TMEM63C: variants seen among roughly 807,000 people sequenced by gnomAD.
The protein encoded by TMEM63C is osmosensitive cation channel TMEM63C.
In TMEM63C, 32 loss-of-function variants were observed where a neutral mutation model predicts 99.2. The observed-to-expected ratio is 0.32, with a 90% CI of 0.24 to 0.43. TMEM63C has a LOEUF of 0.43. TMEM63C is among the 20% of genes least tolerant of loss of function. The pLI is 1.00. For synonymous variants in TMEM63C, 376 were observed against 397.9 expected (o/e 0.94, Z 0.66); for missense variants, 826 against 1,053.0 (o/e 0.78, Z 2.98).
intron 17 of TMEM63C, 25 bp from the exon 18 acceptor site, chr14:77,246,584 A>C (rs1889272048): frequency 6.2e-7 from 1 of 1,607,492 alleles, no homozygotes; most frequent in African/African-American, 1.3e-5. Flanking sequence ...GCTAACTAAC[A>C]GACCTGCCTT....
In TMEM63C at chr14:77,244,477, G is replaced by A. The variant is rs374711239; in HGVS notation, c.1448+22G>A. On this transcript the variant is annotated intron_variant, in intron 16 of 23. Transcript: ENST00000298351. The stretch of plus-strand genomic sequence containing the variant: ...CCAGGTGACCTGGGGGCCTCCTCTC[G>A]TAGCCCTGTGGTTTCTCCAGCCTCT... The A allele has an allele frequency of 5.5e-5, 87 of 1,591,166 alleles. No individual in the cohort carries two copies. In the African/African-American group the frequency reaches 7.9e-4, roughly 14 times the overall value.
intron 5 of TMEM63C, among the ~76,000 whole-genome samples, 187 bp downstream of exon 5, chr14:77,220,274 G>A (rs1487753164): frequency 6.6e-6 from 1 of 152,202 alleles, no homozygotes; most frequent in African/African-American, 2.4e-5. Context: ...CTGAAAGATG[G>A]AGTTATTGAC....
intron 18 of TMEM63C, 71 bp downstream of exon 18, chr14:77,246,745 G>A: frequency 7.7e-7 from 1 of 1,306,434 alleles, no homozygotes; most frequent in Non-Finnish European, 1.1e-6. Flanking sequence ...GCTCTTCCCT[G>A]AGTCCAGCAC....
intron 1 of TMEM63C, among the ~76,000 whole-genome samples, chr14:77,210,744 G>A (rs1422157857): frequency 6.6e-6 from 1 of 152,156 alleles, no homozygotes; most frequent in African/African-American, 2.4e-5. Context: ...CAGCTTGTTT[G>A]TTTAAGTCCA....
intron 1 of TMEM63C, among the ~76,000 whole-genome samples, chr14:77,200,587 C>T (rs1888283121): frequency 6.6e-6 from 1 of 152,230 alleles, no homozygotes; most frequent in Admixed American, 6.5e-5. Flanking sequence ...CCTATTTAGA[C>T]AGATGGCGCC....
At chr14:77,200,757 G>A (rs1385476641) in intron 1 of TMEM63C, among the ~76,000 whole-genome samples, 3 of 152,158 alleles carry the variant, frequency 2.0e-5, no homozygotes, top group Admixed American at 6.5e-5. Context: ...GTCTCCTCCC[G>A]GAATGTTCTG....
chr14:77,192,019 T>A (rs1231495138), intron 1 of TMEM63C, among the ~76,000 whole-genome samples: 1 of 152,262 alleles, frequency 6.6e-6, no homozygotes, highest in Non-Finnish European at 1.5e-5. Flanking sequence ...ATAGTTGTTA[T>A]ATCTTCCTGG....
At chr14:77,208,685 T>C (rs904633418) in intron 1 of TMEM63C, among the ~76,000 whole-genome samples, 10 of 152,222 alleles carry the variant, frequency 6.6e-5, no homozygotes, top group Non-Finnish European at 1.5e-4. Flanking sequence ...CCGTGTCCCA[T>C]ATGCAACCTG....
At chr14:77,251,647 C>T (rs537503774) in intron 21 of TMEM63C, 142 bp from the exon 22 acceptor site, 3 of 655,100 alleles carry the variant, frequency 4.6e-6, no homozygotes, top group Middle Eastern at 3.0e-4. Context: ...TTGTCAGACT[C>T]CTAGATGCCA....
At chr14:77,186,911 CTCATGTGCCCAGGCGTG>C (rs1159123868) in intron 1 of TMEM63C, among the ~76,000 whole-genome samples, 1 of 152,038 alleles carries the variant, frequency 6.6e-6, no homozygotes, top group African/African-American at 2.4e-5. Context: ...TGGCTGGCGC[CTCATGTGCCCAGGCGTG>C]TCAACTAGGC....
intron 1 of TMEM63C, among the ~76,000 whole-genome samples, chr14:77,194,557 T>TTCTTTTTTTTTCTTTCTG (rs1555346145): frequency 8.4e-6 from 1 of 118,570 alleles, no homozygotes; most frequent in African/African-American, 3.4e-5. Flanking sequence ...TTCTTTCTCT[T>TTCTTTTTTTTTCTTTCTG]TCTTTCTTTC....
intron 1 of TMEM63C, among the ~76,000 whole-genome samples, chr14:77,188,293 A>G (rs1427711540): frequency 6.6e-6 from 1 of 152,194 alleles, no homozygotes; most frequent in Non-Finnish European, 1.5e-5. Context: ...GTGTTCTTTG[A>G]GTGCCAGTCA....
At chr14:77,218,015 C>G (rs982235560) in intron 2 of TMEM63C, among the ~76,000 whole-genome samples, 1 of 152,042 alleles carries the variant, frequency 6.6e-6, no homozygotes, top group Non-Finnish European at 1.5e-5. Flanking sequence ...CTAGTATTTA[C>G]TAGCACAACA....
chr14:77,234,587 A>T (rs1889003805), intron 8 of TMEM63C, among the ~76,000 whole-genome samples: 1 of 152,256 alleles, frequency 6.6e-6, no homozygotes, highest in African/African-American at 2.4e-5. Flanking sequence ...GTGGAGCAGC[A>T]TGGTGGATCC....
intron 1 of TMEM63C, among the ~76,000 whole-genome samples, chr14:77,204,110 G>A (rs1453364295): frequency 6.6e-6 from 1 of 152,260 alleles, no homozygotes; most frequent in Non-Finnish European, 1.5e-5. Flanking sequence ...AGCCTTGCTG[G>A]CTGAAGACTT....
chr14:77,219,441 C>T (rs1888650107), intron 3 of TMEM63C, 57 bp from the exon 4 acceptor site: 2 of 1,586,900 alleles, frequency 1.3e-6, no homozygotes, highest in Non-Finnish European at 1.7e-6. Context: ...AGGGGGCCAG[C>T]CAAGGGGAAG....
chr14:77,252,266 C>T (rs452358), intron 22 of TMEM63C, among the ~76,000 whole-genome samples: 22 of 151,996 alleles, frequency 1.4e-4, no homozygotes, highest in African/African-American at 4.3e-4. Context: ...AAGGAGGTTG[C>T]GGGGGGAGTT....
chr14:77,194,332 A>ATGTGTGTGTGTG (rs1363601543), intron 1 of TMEM63C, among the ~76,000 whole-genome samples: 1 of 59,350 alleles, frequency 1.7e-5, no homozygotes, highest in Non-Finnish European at 3.6e-5. Context: ...ATAGATATAT[A>ATGTGTGTGTGTG]TATATGTGTG....
chr14:77,197,960 G>A (rs1888239144), intron 1 of TMEM63C, among the ~76,000 whole-genome samples: 1 of 152,250 alleles, frequency 6.6e-6, no homozygotes, highest in African/African-American at 2.4e-5. Flanking sequence ...CTGGCCAGGA[G>A]CGGACCTGGA....
Sources: gnomAD v4.1 joint callset for allele counts (sites outside exome capture counted in the v4.1 genomes callset) on GRCh38, gnomAD v4.1.1 for gene constraint, MANE v1.5 for transcripts, NCBI Gene and HGNC (gene_info 2026-07-23, HGNC 2026-07-21) for gene names.